The following VAT1L variants were observed in gnomAD, a reference collection of about 807,000 sequenced individuals.
The protein encoded by VAT1L is putative NADPH-dependent quinone oxidoreductase VAT1L.
VAT1L carries 34 observed loss-of-function variants against 44.1 expected under a neutral mutation model. The ratio of observed to expected loss-of-function variants is 0.77; its 90% CI spans 0.59 to 1.03. The LOEUF is 1.03. VAT1L is among the 50% of genes least tolerant of loss of function. The pLI, the probability that VAT1L is intolerant of heterozygous loss-of-function variation, is 0.00. For missense variants in VAT1L, 615 were observed against 538.8 expected, an observed-to-expected ratio of 1.14 and a Z score of -1.40; for synonymous variants, 253 against 202.2, an observed-to-expected ratio of 1.25 and a Z score of -2.13.
In VAT1L at chr16:77,939,603, C is replaced by G. The variant is rs548432832; in HGVS notation, c.1078-32247C>G. 3.3e-5 allele frequency among the ~76,000 whole-genome samples: 5 copies of G among 152,296 alleles called. No homozygotes were observed. The South Asian group carries it at 8.3e-4, about 25-fold the overall frequency. ...TAACCTGGGTTTGGCTCTTCTCTTG[C>G]TTCCTGGGTACAAGAAAATCTCAAA... On this transcript the variant is annotated intron_variant, in intron 7 of 8. Coordinates refer to ENST00000302536, the MANE Select transcript of VAT1L (RefSeq NM_020927.3).
At chr16:77,823,492 G>C (rs574745824) in intron 2 of VAT1L, among the ~76,000 whole-genome samples, 2 of 152,252 alleles carry the variant, frequency 1.3e-5, no homozygotes, top group East Asian at 3.9e-4. Context: ...TGCAAACATG[G>C]CGGGTGCTCA....
intron 7 of VAT1L, among the ~76,000 whole-genome samples, chr16:77,886,595 G>A (rs548233140): frequency 6.6e-6 from 1 of 152,328 alleles, no homozygotes; most frequent in African/African-American, 2.4e-5. Context: ...TATGTGCCCA[G>A]TACTGGGCAA....
At chr16:77,840,083 C>T (rs1281283219) in intron 3 of VAT1L, among the ~76,000 whole-genome samples, 2 of 152,148 alleles carry the variant, frequency 1.3e-5, no homozygotes, top group Admixed American at 1.3e-4. Flanking sequence ...CCTAAGGTTG[C>T]TGTGAAGTTT....
chr16:77,851,418 G>A lies in VAT1L; in HGVS notation c.580-11330G>A, dbSNP rs138083319. Among the ~76,000 whole-genome samples, 13 of 152,312 alleles carry A rather than the reference G, an allele frequency of 8.5e-5. No individual in the cohort carries two copies. The East Asian group carries it at 1.7e-3, about 20-fold the overall frequency. On this transcript the variant is annotated intron_variant, in intron 3 of 8. Coordinates refer to ENST00000302536, the MANE Select transcript of VAT1L (RefSeq NM_020927.3). The stretch of plus-strand genomic sequence containing the variant: ...AATCCCAGTGCTTTGGAAAGCCGAG[G>A]TGAAAGGATTGCTTGAGGCCAGGAG...
chr16:77,801,943 G>A (rs2016064108), intron 1 of VAT1L, among the ~76,000 whole-genome samples: 1 of 152,066 alleles, frequency 6.6e-6, no homozygotes, highest in African/African-American at 2.4e-5. Context: ...TTTTGCAGCC[G>A]GAATCGACGA....
At chr16:77,847,073 A>G (rs907781394) in intron 3 of VAT1L, among the ~76,000 whole-genome samples, 1 of 152,200 alleles carries the variant, frequency 6.6e-6, no homozygotes, top group African/African-American at 2.4e-5. Context: ...TAGAGGTCAG[A>G]GTAGGTCCTT....
At chr16:77,855,490 A>G (rs1448449961) in intron 3 of VAT1L, among the ~76,000 whole-genome samples, 1 of 152,112 alleles carries the variant, frequency 6.6e-6, no homozygotes, top group African/African-American at 2.4e-5. Context: ...ACTTTAATGC[A>G]TGCCCTTCAT....
intron 2 of VAT1L, among the ~76,000 whole-genome samples, chr16:77,821,949 A>G (rs1013075519): frequency 2.0e-5 from 3 of 152,182 alleles, no homozygotes. Flanking sequence ...AGTAGATACA[A>G]AAGCATAAGG....
intron 3 of VAT1L, among the ~76,000 whole-genome samples, chr16:77,856,940 A>C (rs760883806): frequency 2.6e-5 from 4 of 152,154 alleles, no homozygotes; most frequent in Non-Finnish European, 5.9e-5. Context: ...TTCTCTCTGA[A>C]TCCCCATGTT....
chr16:77,907,244 G>A (rs533924759), intron 7 of VAT1L, among the ~76,000 whole-genome samples: 2 of 152,152 alleles, frequency 1.3e-5, no homozygotes, highest in African/African-American at 4.8e-5. Flanking sequence ...TGCCCCATAC[G>A]TATTCCCTGG....
chr16:77,915,638 G>A (rs148414268), intron 7 of VAT1L, among the ~76,000 whole-genome samples: 3 of 152,314 alleles, frequency 2.0e-5, no homozygotes, highest in African/African-American at 4.8e-5. Context: ...GAAAGGCCTA[G>A]AGGCAGGAGG....
intron 3 of VAT1L, among the ~76,000 whole-genome samples, chr16:77,856,076 G>A (rs1018906911): frequency 6.6e-6 from 1 of 152,104 alleles, no homozygotes; most frequent in Admixed American, 6.6e-5. Context: ...ACTCAATGAA[G>A]TAACAGAGAG....
chr16:77,805,865 CTTT>C (rs10689119), intron 1 of VAT1L, among the ~76,000 whole-genome samples: 1 of 78,832 alleles, frequency 1.3e-5, no homozygotes, highest in Admixed American at 1.4e-4. Context: ...TAGTCTCTGC[CTTT>C]TTTTTTTTTT....
At chr16:77,907,085 C>T (rs569469125) in intron 7 of VAT1L, among the ~76,000 whole-genome samples, 2 of 152,174 alleles carry the variant, frequency 1.3e-5, no homozygotes, top group Non-Finnish European at 2.9e-5. Context: ...TAACAACCAG[C>T]CCTAGCGGGG....
intron 7 of VAT1L, among the ~76,000 whole-genome samples, chr16:77,897,583 G>C (rs927423081): frequency 1.3e-5 from 2 of 152,172 alleles, no homozygotes; most frequent in Admixed American, 6.5e-5. Flanking sequence ...CAATGATCCT[G>C]CCTCAGCCTC....
rs367655208 is a variant in VAT1L, at chr16:77,973,436, C to G, written c.1161+1503C>G. The stretch of plus-strand genomic sequence containing the variant: ...AGTAGCTGGCATTACAGGGGCCCAC[C>G]ACCACACCTGGTTAATTTTTGTATT... On this transcript the variant is annotated intron_variant, in intron 8 of 8. Coordinates refer to ENST00000302536, the MANE Select transcript of VAT1L (RefSeq NM_020927.3). 4.3e-4 allele frequency among the ~76,000 whole-genome samples: 65 copies of G among 152,070 alleles called. No individual in the cohort carries two copies. In the South Asian group the frequency reaches 0.012, roughly 29 times the overall value.
chr16:77,890,905 C>A (rs2017258265), intron 7 of VAT1L, among the ~76,000 whole-genome samples: 2 of 128,472 alleles, frequency 1.6e-5, no homozygotes. Flanking sequence ...GCCTGGGTGA[C>A]AGAGGAAGAC....
chr16:77,907,465 C>G (rs574384574), intron 7 of VAT1L, among the ~76,000 whole-genome samples: 6 of 152,136 alleles, frequency 3.9e-5, no homozygotes, highest in Non-Finnish European at 8.8e-5. Context: ...CAGGCAGAAC[C>G]TCTCTCAGCA....
intron 7 of VAT1L, among the ~76,000 whole-genome samples, chr16:77,964,474 C>G (rs2018200061): frequency 6.6e-6 from 1 of 152,198 alleles, no homozygotes; most frequent in South Asian, 2.1e-4. Flanking sequence ...TGTCCCATCA[C>G]CTGCTCTCTG....
Sources: gnomAD v4.1 joint callset for allele counts (sites outside exome capture counted in the v4.1 genomes callset) on GRCh38, gnomAD v4.1.1 for gene constraint, MANE v1.5 for transcripts, NCBI Gene and HGNC (gene_info 2026-07-23, HGNC 2026-07-21) for gene names.